The following AFF2 variants were observed in gnomAD, a reference collection of about 807,000 sequenced individuals.
AFF2 encodes ALF transcription elongation factor 2.
Under a neutral mutation model 76.9 loss-of-function variants are expected in AFF2, and 14 were observed. The ratio of observed to expected loss-of-function variants is 0.18; its 90% CI spans 0.12 to 0.28. AFF2 has a LOEUF of 0.28. AFF2 is among the 10% of genes least tolerant of loss of function. AFF2 has a pLI of 1.00. For synonymous variants in AFF2, 398 were observed against 366.7 expected (o/e 1.09, Z -0.98); for missense variants, 868 against 1,001.1 (o/e 0.87, Z 1.79).
At chrX:148,776,020 C>T (rs1557268548) in intron 3 of AFF2, among the ~76,000 whole-genome samples, 1 of 110,423 alleles carries the variant, frequency 9.1e-6, no homozygotes, top group African/African-American at 3.3e-5. Context: ...GCCCCCCACA[C>T]CCCAACAGGC....
intron 3 of AFF2, among the ~76,000 whole-genome samples, chrX:148,787,199 G>GT (rs2069831994): frequency 1.8e-5 from 2 of 111,230 alleles, no homozygotes; most frequent in South Asian, 7.5e-4. Flanking sequence ...TCCTTTCATG[G>GT]TTTTTTACCT....
chrX:148,918,953 T>A (rs1199429072), intron 9 of AFF2, among the ~76,000 whole-genome samples: 1 of 111,981 alleles, frequency 8.9e-6, no homozygotes, highest in East Asian at 2.8e-4. Context: ...GTCTTCCTTT[T>A]GAAAGTCTCT....
At chrX:148,652,433 A>G (rs2124457426) in intron 2 of AFF2, among the ~76,000 whole-genome samples, 1 of 111,420 alleles carries the variant, frequency 9.0e-6, no homozygotes, top group African/African-American at 3.3e-5. Flanking sequence ...GACACTTTCT[A>G]CTGCTGTGAT....
chrX:148,888,103 A>G (rs1409474573), intron 8 of AFF2, among the ~76,000 whole-genome samples: 5 of 112,061 alleles, frequency 4.5e-5, no homozygotes, highest in African/African-American at 1.6e-4. Flanking sequence ...TAATACAATC[A>G]CAAGACTGTG....
chrX:148,677,354 T>C (rs2054497195), intron 3 of AFF2, among the ~76,000 whole-genome samples: 1 of 111,807 alleles, frequency 8.9e-6, no homozygotes, highest in Non-Finnish European at 1.9e-5. Context: ...GTTTGCACAG[T>C]GCTTCTTGTT....
intron 1 of AFF2, among the ~76,000 whole-genome samples, chrX:148,635,568 A>T (rs138942889): frequency 4.5e-5 from 5 of 111,952 alleles, no homozygotes; most frequent in African/African-American, 1.6e-4. Context: ...GTAACTCATT[A>T]TGTATTTGGG....
chrX:148,781,840 A>C (rs1384535470), intron 3 of AFF2, among the ~76,000 whole-genome samples: 5 of 111,719 alleles, frequency 4.5e-5, no homozygotes, highest in African/African-American at 6.5e-5. Context: ...TAGGCACCCG[A>C]GGGAATCTCC....
chrX:148,869,389 A>G (rs1261714605), intron 7 of AFF2, among the ~76,000 whole-genome samples: 1 of 112,475 alleles, frequency 8.9e-6, no homozygotes, highest in African/African-American at 3.2e-5. Flanking sequence ...TTTATTACAA[A>G]ATAAGTAGAT....
chrX:148,698,797 G>GTTTTTTTTTTTTTTTTTTTTTTTTTTT, intron 3 of AFF2, among the ~76,000 whole-genome samples: 1 of 71,714 alleles, frequency 1.4e-5, no homozygotes, highest in Non-Finnish European at 2.7e-5. Context: ...GAGTTCTAGT[G>GTTTTTTTTTTTTTTTTTTTTTTTTTTT]TTTTTTTTTT....
At chrX:148,711,485 G>C in intron 3 of AFF2, among the ~76,000 whole-genome samples, 1 of 111,863 alleles carries the variant, frequency 8.9e-6, no homozygotes, top group Middle Eastern at 4.6e-3. Context: ...AAGTTTTATT[G>C]CACTGTATTT....
At chrX:148,534,957 GA>G (rs782349607) in intron 1 of AFF2, among the ~76,000 whole-genome samples, 4 of 111,610 alleles carry the variant, frequency 3.6e-5, no homozygotes, top group African/African-American at 9.8e-5. Context: ...GTCGTATAAG[GA>G]AATGATAAAA....
At chrX:148,844,210 A>G (rs781942689) in intron 7 of AFF2, among the ~76,000 whole-genome samples, 7 of 112,055 alleles carry the variant, frequency 6.2e-5, no homozygotes, top group African/African-American at 2.3e-4. Context: ...AGCAGCCATG[A>G]TTGGACATGA....
intron 3 of AFF2, among the ~76,000 whole-genome samples, chrX:148,799,695 T>C (rs2070032048): frequency 8.9e-6 from 1 of 112,204 alleles, no homozygotes; most frequent in Non-Finnish European, 1.9e-5. Flanking sequence ...AATTATTGGC[T>C]TATTTGTTAT....
intron 7 of AFF2, among the ~76,000 whole-genome samples, chrX:148,872,133 A>G (rs1350752877): frequency 9.0e-6 from 1 of 110,832 alleles, no homozygotes; most frequent in South Asian, 3.8e-4. Flanking sequence ...CTCTATTTAG[A>G]TGCATATAAC....
At chrX:148,628,804 G>T (rs1282723544) in intron 1 of AFF2, among the ~76,000 whole-genome samples, 1 of 112,150 alleles carries the variant, frequency 8.9e-6, no homozygotes, top group African/African-American at 3.2e-5. Flanking sequence ...GTATTGGAAA[G>T]CTACATTCTG....
intron 3 of AFF2, among the ~76,000 whole-genome samples, chrX:148,796,960 G>A (rs1557270546): frequency 1.8e-5 from 2 of 112,021 alleles, no homozygotes; most frequent in African/African-American, 6.5e-5. Flanking sequence ...ACATCTAATT[G>A]TCATTGTAGT....
intron 1 of AFF2, among the ~76,000 whole-genome samples, chrX:148,527,222 G>A (rs2052670652): frequency 8.9e-6 from 1 of 111,732 alleles, no homozygotes; most frequent in South Asian, 3.7e-4. Context: ...TGGCATTTCT[G>A]CCAATAGTAC....
intron 3 of AFF2, among the ~76,000 whole-genome samples, chrX:148,740,523 A>G (rs1168034491): frequency 9.0e-6 from 1 of 111,573 alleles, no homozygotes; most frequent in African/African-American, 3.3e-5. Flanking sequence ...TATTTAAGCT[A>G]TCTATTTCCT....
At chrX:148,903,756 C>T (rs1269415744) in intron 8 of AFF2, among the ~76,000 whole-genome samples, 2 of 111,495 alleles carry the variant, frequency 1.8e-5, no homozygotes, top group Non-Finnish European at 3.8e-5. Context: ...GGAAGTATGG[C>T]CAGATGTCAG....
Sources: gnomAD v4.1 joint callset for allele counts (sites outside exome capture counted in the v4.1 genomes callset) on GRCh38, gnomAD v4.1.1 for gene constraint, MANE v1.5 for transcripts, NCBI Gene and HGNC (gene_info 2026-07-23, HGNC 2026-07-21) for gene names.